EHBP1: variants seen among roughly 807,000 people sequenced by gnomAD.
EHBP1 encodes the protein EH domain binding protein 1.
A neutral mutation model predicts 144.0 loss-of-function variants in EHBP1; 55 were observed. That is an observed-to-expected ratio of 0.38 (90% CI 0.31 to 0.48). EHBP1 has a LOEUF of 0.48. Among genes scored for constraint, EHBP1 ranks in the 20% least tolerant of loss-of-function variants. EHBP1 has a pLI of 0.98. For synonymous variants in EHBP1, 469 were observed against 472.7 expected, an observed-to-expected ratio of 0.99 and a Z score of 0.10; for missense variants, 1,200 against 1,364.2, an observed-to-expected ratio of 0.88 and a Z score of 1.90.
chr2:62,818,162 G>C (rs539315255), intron 5 of EHBP1, among the ~76,000 whole-genome samples: 1 of 124,632 alleles, frequency 8.0e-6, no homozygotes, highest in East Asian at 2.7e-4. Flanking sequence ...AAGTTGCTCT[G>C]GTTAAGTCAG....
At position 62,942,820 on chromosome 2, in the gene EHBP1, A is replaced by G. The variant is rs778309499; in HGVS notation, c.1288A>G (p.Ile430Val). 6 of 1,613,780 alleles carry G rather than the reference A, an allele frequency of 3.7e-6. No homozygotes were observed. The highest frequency in any genetic ancestry group is 4.2e-6 in the Non-Finnish European group (5 of 1,179,704). The change falls in exon 11 of 23, where the codon ATC becomes GTC. Residue 430 changes from isoleucine to valine, a missense_variant. Ile to Val is a conservative substitution (Grantham distance 29, BLOSUM62 3). Coordinates refer to ENST00000431489, the MANE Select transcript of EHBP1 (RefSeq NM_001142616.3). ...TACAAAGAACTACCGAGGAGTAAAAATCACCAATTTTACTACATCGTGGAG... is the reference window on the plus strand; with the variant it reads ...TACAAAGAACTACCGAGGAGTAAAAGTCACCAATTTTACTACATCGTGGAG... ...EVTKNYRGVK[I>V]TNFTTSWRNG...
intron 1 of EHBP1, among the ~76,000 whole-genome samples, chr2:62,686,181 G>T (rs1355356424): frequency 6.6e-6 from 1 of 152,178 alleles, no homozygotes; most frequent in Non-Finnish European, 1.5e-5. Flanking sequence ...GTGAGGCTTT[G>T]TGCTGAACAA....
At chr2:62,775,559 C>T (rs1201908328) in intron 5 of EHBP1, among the ~76,000 whole-genome samples, 1 of 152,008 alleles carries the variant, frequency 6.6e-6, no homozygotes, top group African/African-American at 2.4e-5. Flanking sequence ...AGACTTTAAC[C>T]GTAATGTCCA....
chr2:62,937,091 G>A (rs1325749788), intron 10 of EHBP1, among the ~76,000 whole-genome samples: 3 of 152,156 alleles, frequency 2.0e-5, no homozygotes, highest in Non-Finnish European at 4.4e-5. Context: ...AAATTGTTTG[G>A]GTTAATTGCC....
At chr2:62,869,415 TAAAC>T (rs2050288769) in intron 9 of EHBP1, among the ~76,000 whole-genome samples, 2 of 152,154 alleles carry the variant, frequency 1.3e-5, no homozygotes, top group South Asian at 2.1e-4. Context: ...GACAAATGGA[TAAAC>T]AAACTGTGGC....
At chr2:62,721,147 C>CTT (rs1378782779) in intron 2 of EHBP1, among the ~76,000 whole-genome samples, 2 of 151,970 alleles carry the variant, frequency 1.3e-5, no homozygotes, top group African/African-American at 4.8e-5. Flanking sequence ...AGTTTTTAGT[C>CTT]TTTTTTTGTT....
chr2:62,966,146 A>G lies in EHBP1; in HGVS notation c.2460+10486A>G, dbSNP rs77819427. 5.0e-3 allele frequency among the ~76,000 whole-genome samples: 764 copies of G among 152,282 alleles called. 9 individuals carry two copies. Among genetic ancestry groups the G allele is most frequent in the African/African-American group, 0.017 (701 of 41,562 alleles). ...TGTCACTTCACTGTTTTGATAATAGAACTTTGTCTTGAAGTATTTCAGTTG... is the reference window on the plus strand; with the variant it reads ...TGTCACTTCACTGTTTTGATAATAGGACTTTGTCTTGAAGTATTTCAGTTG... On this transcript the variant is annotated intron_variant, in intron 14 of 22. Transcript: ENST00000431489.
At chr2:62,921,822 TTGTA>T (rs751270925) in intron 10 of EHBP1, among the ~76,000 whole-genome samples, 5 of 152,200 alleles carry the variant, frequency 3.3e-5, no homozygotes, top group Non-Finnish European at 5.9e-5. Context: ...GGAATACATT[TTGTA>T]TGTTTTATGT....
chr2:63,004,303 T>A (rs887141519), intron 19 of EHBP1, among the ~76,000 whole-genome samples: 5 of 152,040 alleles, frequency 3.3e-5, no homozygotes, highest in African/African-American at 1.2e-4. Context: ...TTTGTTAGTC[T>A]TATCTTCTGG....
intron 5 of EHBP1, among the ~76,000 whole-genome samples, chr2:62,786,673 T>C (rs1186855715): frequency 6.6e-6 from 1 of 152,260 alleles, no homozygotes; most frequent in Non-Finnish European, 1.5e-5. Flanking sequence ...TTTTATGATT[T>C]AATTTTTCAC....
intron 19 of EHBP1, among the ~76,000 whole-genome samples, chr2:63,035,802 T>C (rs1003208707): frequency 6.6e-6 from 1 of 152,070 alleles, no homozygotes; most frequent in Non-Finnish European, 1.5e-5. Context: ...TCTCAGCTTT[T>C]TCTTTTTACT....
intron 10 of EHBP1, among the ~76,000 whole-genome samples, chr2:62,896,696 CAAAA>C (rs1211068620): frequency 1.4e-5 from 2 of 147,626 alleles, no homozygotes; most frequent in Admixed American, 6.7e-5. Context: ...AAAAAAAAAA[CAAAA>C]AACCCTGCTA....
chr2:62,992,289 C>T (rs930709036), intron 16 of EHBP1, among the ~76,000 whole-genome samples: 7 of 152,004 alleles, frequency 4.6e-5, no homozygotes, highest in African/African-American at 1.7e-4. Flanking sequence ...AAAGCCAAAA[C>T]TGTTGCTATC....
At chr2:62,799,296 A>G (rs945102558) in intron 5 of EHBP1, among the ~76,000 whole-genome samples, 2 of 152,118 alleles carry the variant, frequency 1.3e-5, no homozygotes, top group African/African-American at 2.4e-5. Flanking sequence ...TTTTAACAGT[A>G]TTTGCTGATT....
chr2:62,864,515 C>T (rs1436720823), intron 8 of EHBP1, among the ~76,000 whole-genome samples: 2 of 152,090 alleles, frequency 1.3e-5, no homozygotes, highest in Non-Finnish European at 2.9e-5. Context: ...AGTACCATTC[C>T]TGGAGAAATT....
intron 7 of EHBP1, among the ~76,000 whole-genome samples, chr2:62,841,158 C>T (rs2047809822): frequency 6.6e-6 from 1 of 152,074 alleles, no homozygotes; most frequent in East Asian, 1.9e-4. Context: ...TATTATGCAG[C>T]CATAAAAAAG....
chr2:62,740,841 A>C (rs989465153), intron 2 of EHBP1, among the ~76,000 whole-genome samples: 14 of 152,168 alleles, frequency 9.2e-5, no homozygotes, highest in African/African-American at 3.4e-4. Context: ...CCTACAAATG[A>C]AAACTGATAG....
At chr2:62,934,456 T>G (rs1021369727) in intron 10 of EHBP1, among the ~76,000 whole-genome samples, 4 of 152,224 alleles carry the variant, frequency 2.6e-5, no homozygotes, top group Non-Finnish European at 5.9e-5. Flanking sequence ...TCTTTGTAAT[T>G]CTAGCTACAA....
intron 19 of EHBP1, among the ~76,000 whole-genome samples, chr2:63,029,212 G>A (rs946240936): frequency 2.0e-5 from 3 of 151,620 alleles, no homozygotes; most frequent in Non-Finnish European, 4.4e-5. Context: ...TCTTTTGTAG[G>A]CCACAGTGAC....
Sources: gnomAD v4.1 joint callset for allele counts (sites outside exome capture counted in the v4.1 genomes callset) on GRCh38, gnomAD v4.1.1 for gene constraint, MANE v1.5 for transcripts, NCBI Gene and HGNC (gene_info 2026-07-23, HGNC 2026-07-21) for gene names.